The following ING5 variants were observed in gnomAD, a reference collection of about 807,000 sequenced individuals.
The protein encoded by ING5 is inhibitor of growth family member 5, also known as inhibitor of growth protein 5.
In ING5, 17 loss-of-function variants were observed where a neutral mutation model predicts 37.4. The ratio of observed to expected loss-of-function variants is 0.45; its 90% confidence interval spans 0.31 to 0.68. ING5 has a LOEUF of 0.68. Ranked by LOEUF, ING5 falls within the 30% of genes least tolerant of loss-of-function variation. ING5 has a pLI of 0.05. For synonymous variants in ING5, 123 were observed against 116.6 expected (o/e 1.06, Z -0.36); for missense variants, 233 against 311.9 (o/e 0.75, Z 1.91).
chr2:241,722,463 C>T (rs1238881953), intron 5 of ING5: 3 of 985,294 alleles, frequency 3.0e-6, no homozygotes, highest in Non-Finnish European at 3.6e-6. Flanking sequence ...GCCCCCATGC[C>T]CCTGCCTGGG....
At chr2:241,687,508 A>G (rs2069458084) in exon 1 of ING5, 1 of 393,110 alleles carries the variant, frequency 2.5e-6, no homozygotes, top group Non-Finnish European at 4.5e-6. Context: ...AGGGCTCTGG[A>G]AAGTCCGTGT....
At chr2:241,715,087 AATT>A (rs1357375461) in intron 5 of ING5, among the ~76,000 whole-genome samples, 9 of 152,004 alleles carry the variant, frequency 5.9e-5, no homozygotes, top group African/African-American at 1.9e-4. Flanking sequence ...TCCTTGTTCT[AATT>A]ATTATCTTTG....
chr2:241,720,408 A>G, intron 5 of ING5: 1 of 1,127,146 alleles, frequency 8.9e-7, no homozygotes, highest in Non-Finnish European at 1.1e-6. Context: ...CCTGTTCCCC[A>G]CGTGCCCGGG....
At chr2:241,706,644 GA>G (rs1419368224) in intron 2 of ING5, among the ~76,000 whole-genome samples, 2 of 132,158 alleles carry the variant, frequency 1.5e-5, no homozygotes, top group Admixed American at 1.6e-4. Flanking sequence ...AAAAAAAAAA[GA>G]AAAAAAGGAA....
intron 5 of ING5, among the ~76,000 whole-genome samples, chr2:241,716,914 C>G (rs1230021340): frequency 6.6e-6 from 1 of 152,080 alleles, no homozygotes; most frequent in Non-Finnish European, 1.5e-5. Flanking sequence ...TACAGAATTT[C>G]ATTTAGATAG....
At chr2:241,711,704 C>T (rs572204967) in intron 4 of ING5, 191 of 562,910 alleles carry the variant, frequency 3.4e-4, no homozygotes, top group African/African-American at 3.3e-3. Context: ...AGTTTGAGAC[C>T]AACCTGGGCA....
chr2:241,722,159 C>T (rs1034284119), intron 5 of ING5: 31 of 985,234 alleles, frequency 3.1e-5, no homozygotes, highest in African/African-American at 1.6e-4. Context: ...GTCACAGTTA[C>T]GGGAGAGCTG....
At position 241,711,991 on chromosome 2, in the gene ING5, G is replaced by A. The variant is rs754330644; in HGVS notation, c.402G>A (p.Gln134=). 7 of 1,606,620 alleles carry A rather than the reference G, an allele frequency of 4.4e-6. No homozygotes were observed. The highest frequency in any genetic ancestry group is 5.9e-6 in the Non-Finnish European group (7 of 1,177,426). ...ATTATTTTTCAGAAGGCCGGGGTCAGAAAGAAAAAAGAGGGTCCCGGGGCC... is the reference window on the plus strand; with the variant it reads ...ATTATTTTTCAGAAGGCCGGGGTCAAAAAGAAAAAAGAGGGTCCCGGGGCC... ...GGRGLKKGRG[Q]KEKRGSRGRG... Residue 134 remains glutamine (Q), a synonymous_variant, in exon 5 of 8, where the codon CAG becomes CAA. Coordinates refer to ENST00000313552, the MANE Select transcript of ING5 (RefSeq NM_032329.6).
intron 5 of ING5, among the ~76,000 whole-genome samples, chr2:241,713,028 A>C (rs962813114): frequency 1.3e-5 from 2 of 149,392 alleles, no homozygotes; most frequent in African/African-American, 4.9e-5. Context: ...AGAAAAAAAG[A>C]GTTCTTCTTG....
chr2:241,708,499 G>T (rs1254213397), intron 2 of ING5, among the ~76,000 whole-genome samples: 1 of 152,174 alleles, frequency 6.6e-6, no homozygotes, highest in South Asian at 2.1e-4. Flanking sequence ...GAGCCACCAC[G>T]CCTGGCCTAG....
Position 241,709,358 on chromosome 2 carries a change from G to A in ING5, c.252G>A (p.Gln84=). 1 of 1,613,730 alleles carries A rather than the reference G, an allele frequency of 6.2e-7. No homozygotes were observed. Among genetic ancestry groups the A allele is most frequent in the African/African-American group, 1.3e-5 (1 of 74,912 alleles). ...KCKEYSDDKV[Q]LAMQTYEMVD... The stretch of plus-strand genomic sequence containing the variant: ...AGGAATACAGTGACGACAAAGTGCA[G>A]CTGGCCATGCAGACCTACGAGATGG... The change falls in exon 3 of 8, where the codon CAG becomes CAA. Residue 84 remains glutamine (Q), a synonymous_variant. Transcript: ENST00000313552.
At chr2:241,695,253 AG>A (rs2069615152) in intron 2 of ING5, among the ~76,000 whole-genome samples, 1 of 151,920 alleles carries the variant, frequency 6.6e-6, no homozygotes, top group African/African-American at 2.4e-5. Flanking sequence ...GCTGTGCTGG[AG>A]AGGCCACATG....
At position 241,725,873 on chromosome 2, in the gene ING5, C is replaced by G. The variant is rs1473223807; in HGVS notation, c.*842C>G. The stretch of plus-strand genomic sequence containing the variant: ...TCCCGTCTGCCAGGAGCTGACGAAC[C>G]ACGAATGCTTCTGCCTGTGCTGTGC... On this transcript the variant is annotated 3_prime_UTR_variant, in exon 8 of 8. Transcript: ENST00000313552. 1 of 152,666 alleles carries G rather than the reference C, an allele frequency of 6.6e-6. No individual in the cohort carries two copies. The highest frequency in any genetic ancestry group is 1.9e-4 in the East Asian group (1 of 5,198). 9.5% of individuals were successfully genotyped at this position (152,666 alleles called of 1,614,324 possible).
chr2:241,689,389 C>G (rs1020951728), intron 1 of ING5, among the ~76,000 whole-genome samples: 1 of 152,202 alleles, frequency 6.6e-6, no homozygotes. Context: ...GGATTACAGA[C>G]GTGAACCACT....
At chr2:241,704,568 CA>C (rs548203574) in intron 1 of ING5, 84 bp from the exon 2 acceptor site, 8,617 of 945,698 alleles carry the variant, frequency 9.1e-3, no homozygotes, top group South Asian at 0.011. Context: ...AACTCCATCT[CA>C]AAAAAAAAAG....
At chr2:241,703,340 G>A (rs2124878358) in intron 1 of ING5, among the ~76,000 whole-genome samples, 1 of 152,294 alleles carries the variant, frequency 6.6e-6, no homozygotes, top group East Asian at 1.9e-4. Flanking sequence ...GCAGATGGGA[G>A]GGTGGCCAAG....
rs181816708 is a variant in ING5, at chr2:241,688,847, G to A, written c.-774+785G>A. Among the ~76,000 whole-genome samples, 803 of 151,974 alleles carry A rather than the reference G, an allele frequency of 5.3e-3. 3 individuals carry two copies. The highest frequency in any genetic ancestry group is 8.3e-3 in the Non-Finnish European group (565 of 67,976). On this transcript the variant is annotated intron_variant, in intron 1 of 7. Transcript: ENST00000636051. Reference sequence around the variant, plus strand: ...GGAGTCTTGCTCTGTTGCCCAGGCTGGAGTGCAGTGGCGCAATCTTGGCTC... The same window carrying A: ...GGAGTCTTGCTCTGTTGCCCAGGCTAGAGTGCAGTGGCGCAATCTTGGCTC...
At chr2:241,720,831 C>T in intron 5 of ING5, 1 of 985,788 alleles carries the variant, frequency 1.0e-6, no homozygotes, top group South Asian at 4.7e-5. Context: ...TCCTGGTTGC[C>T]TCCCTCAGGG....
In ING5 at chr2:241,727,137, A is replaced by G. The variant is rs562198978; in HGVS notation, c.*2106A>G. ...TTTTTGTTGGAGACGGGGTTTCACC[A>G]TATTGGCCAGACTGGTCTCAAACTC... On this transcript the variant is annotated 3_prime_UTR_variant, in exon 8 of 8. Coordinates refer to ENST00000313552, the MANE Select transcript of ING5 (RefSeq NM_032329.6). The G allele has an allele frequency of 4.2e-4, 63 of 151,428 alleles. No individual in the cohort carries two copies. The highest frequency in any genetic ancestry group is 1.5e-3 in the African/African-American group (61 of 41,218). 9.4% of individuals were successfully genotyped at this position (151,428 alleles called of 1,614,324 possible).
Sources: allele counts gnomAD v4.1 joint callset (sites outside exome capture counted in the v4.1 genomes callset), GRCh38; gene constraint gnomAD v4.1.1; transcripts MANE v1.5; gene names NCBI Gene and HGNC (gene_info 2026-07-23, HGNC 2026-07-21).